The following MYO16 variants were observed in gnomAD, a reference collection of about 807,000 sequenced individuals.
MYO16 encodes myosin XVI.
Under a neutral mutation model 205.3 loss-of-function variants are expected in MYO16, and 94 were observed. The ratio of observed to expected loss-of-function variants is 0.46; its 90% CI spans 0.39 to 0.54. The LOEUF (loss-of-function observed/expected upper bound fraction) is 0.54. Among genes scored for constraint, MYO16 ranks in the 20% least tolerant of loss-of-function variants. The probability of loss-of-function intolerance (pLI) is 0.00; values close to 1 mark genes in which losing one functional copy is unlikely to be tolerated. For synonymous variants in MYO16, 988 were observed against 954.0 expected (o/e 1.04, Z -0.66); for missense variants, 2,315 against 2,387.5 (o/e 0.97, Z 0.63).
chr13:109,057,912 G>T (rs1037907140), intron 27 of MYO16, among the ~76,000 whole-genome samples: 1 of 152,138 alleles, frequency 6.6e-6, no homozygotes, highest in Non-Finnish European at 1.5e-5. Flanking sequence ...ATCCGCGGGG[G>T]CCTCAGAGGG....
At chr13:108,556,872 C>T in the MYO16 span, among the ~76,000 whole-genome samples, 3 of 152,154 alleles carry the variant, frequency 2.0e-5, no homozygotes, top group African/African-American at 7.2e-5. Context: ...GTTGTCCCAA[C>T]ACCACCTACT....
At chr13:109,145,581 A>G (rs1877292159) in intron 32 of MYO16, among the ~76,000 whole-genome samples, 1 of 152,224 alleles carries the variant, frequency 6.6e-6, no homozygotes. Flanking sequence ...TGTCTGTTCC[A>G]TTCTAGACAT....
chr13:108,805,225 T>A (rs1176122547), intron 6 of MYO16, among the ~76,000 whole-genome samples: 5 of 152,164 alleles, frequency 3.3e-5, no homozygotes, highest in Admixed American at 2.0e-4. Flanking sequence ...GGGGACTGTT[T>A]CCTAGAATAT....
intron 1 of MYO16, among the ~76,000 whole-genome samples, chr13:108,639,134 T>A (rs946951091): frequency 6.6e-6 from 1 of 152,160 alleles, no homozygotes; most frequent in South Asian, 2.1e-4. Context: ...AGCTTTGCAT[T>A]TTAGATCTGT....
the MYO16 span, among the ~76,000 whole-genome samples, chr13:108,503,974 T>C: frequency 6.6e-6 from 1 of 152,154 alleles, no homozygotes; most frequent in Non-Finnish European, 1.5e-5. Flanking sequence ...TTATTATTTT[T>C]TTTGCCTTTA....
intron 27 of MYO16, among the ~76,000 whole-genome samples, chr13:109,072,660 T>A (rs1239545378): frequency 6.6e-6 from 1 of 151,962 alleles, no homozygotes; most frequent in Non-Finnish European, 1.5e-5. Flanking sequence ...AATCAGTGCC[T>A]CTCAACCACG....
intron 17 of MYO16, 23 bp downstream of exon 17, chr13:108,957,822 C>T: frequency 6.5e-7 from 1 of 1,539,992 alleles, no homozygotes; most frequent in Non-Finnish European, 9.0e-7. Flanking sequence ...ATAAATATTT[C>T]ACTGAGAAAA....
chr13:108,719,220 T>G (rs1488616795), intron 3 of MYO16, among the ~76,000 whole-genome samples: 1 of 152,182 alleles, frequency 6.6e-6, no homozygotes, highest in Admixed American at 6.5e-5. Flanking sequence ...CTAAGGAAAC[T>G]TGCAGACATT....
intron 33 of MYO16, among the ~76,000 whole-genome samples, chr13:109,173,704 G>A (rs1411164445): frequency 3.3e-5 from 5 of 151,562 alleles, no homozygotes; most frequent in Non-Finnish European, 1.5e-5. Flanking sequence ...GACCATCCTG[G>A]CTAACACGGT....
At chr13:108,551,624 A>T in the MYO16 span, among the ~76,000 whole-genome samples, 1 of 152,062 alleles carries the variant, frequency 6.6e-6, no homozygotes, top group African/African-American at 2.4e-5. Flanking sequence ...TCCAAACATG[A>T]TCATATTTTT....
intron 24 of MYO16, among the ~76,000 whole-genome samples, chr13:109,049,852 CCTTT>C (rs1887181980): frequency 6.7e-6 from 1 of 150,102 alleles, no homozygotes; most frequent in Non-Finnish European, 1.5e-5. Flanking sequence ...TTTTTCATTA[CCTTT>C]CTTTTACCCT....
Position 109,153,425 on chromosome 13 carries a change from T to A in MYO16, c.5165-11476T>A, listed in dbSNP as rs188193876. On this transcript the variant is annotated intron_variant, in intron 32 of 34. Coordinates refer to ENST00000457511, the MANE Select transcript of MYO16 (RefSeq NM_001198950.3). ...TATAGATATAGAAAGGATAGATTTT[T>A]TTCTTGCTATTTCTATGTTCATTTA... is the stretch of plus-strand genomic sequence containing the variant. Among the ~76,000 whole-genome samples the A allele has an allele frequency of 2.8e-3, 431 of 152,188 alleles. 3 individuals are homozygous for A. The highest frequency in any genetic ancestry group is 0.01 in the African/African-American group (421 of 41,508).
rs145293414 is a variant in MYO16, at chr13:108,740,743, C to G, written c.507+13160C>G. Among the ~76,000 whole-genome samples, 598 of 152,294 alleles carry G rather than the reference C, an allele frequency of 3.9e-3. 3 individuals are homozygous for G. The highest frequency in any genetic ancestry group is 5.6e-3 in the Non-Finnish European group (383 of 68,014). On this transcript the variant is annotated intron_variant, in intron 4 of 34. Transcript: ENST00000457511. Reference sequence around the variant, plus strand: ...GTCCTGCCCCCAGAGGTGGAGTCTACAAAGGCAGGCAGGCCTCCTTGAGCT... The same window carrying G: ...GTCCTGCCCCCAGAGGTGGAGTCTAGAAAGGCAGGCAGGCCTCCTTGAGCT...
At chr13:109,083,437 G>T (rs1286492784) in intron 27 of MYO16, among the ~76,000 whole-genome samples, 1 of 122,754 alleles carries the variant, frequency 8.1e-6, no homozygotes, top group East Asian at 2.3e-4. Context: ...CAGTAGAGAC[G>T]ATCAAAAAGC....
At chr13:108,994,543 T>C (rs1258456577) in intron 21 of MYO16, among the ~76,000 whole-genome samples, 1 of 152,216 alleles carries the variant, frequency 6.6e-6, no homozygotes. Context: ...ATTTCTGTGT[T>C]GCTAACAGAA....
Position 108,745,596 on chromosome 13 carries a change from C to A in MYO16, c.507+18013C>A, listed in dbSNP as rs1278207406. 4.6e-5 allele frequency among the ~76,000 whole-genome samples: 7 copies of A among 152,144 alleles called. No individual in the cohort carries two copies. The East Asian group carries it at 1.4e-3, about 29-fold the overall frequency. On this transcript the variant is annotated intron_variant, in intron 4 of 34. Coordinates refer to ENST00000457511, the MANE Select transcript of MYO16 (RefSeq NM_001198950.3). ...TCAAAATAGACTCTCACTTCCTAGA[C>A]CTAATGACCTCAGTTACTAATACCT...
intron 24 of MYO16, among the ~76,000 whole-genome samples, chr13:109,048,151 ATATG>A (rs1478968122): frequency 9.5e-6 from 1 of 105,188 alleles, no homozygotes; most frequent in Non-Finnish European, 1.8e-5. Context: ...TGTTAATAGG[ATATG>A]TGTGTGTGTG....
At chr13:108,837,236 T>A (rs1240457402) in intron 9 of MYO16, among the ~76,000 whole-genome samples, 1 of 152,188 alleles carries the variant, frequency 6.6e-6, no homozygotes, top group Non-Finnish European at 1.5e-5. Context: ...GCACTTGTTC[T>A]TCCTCCTGCC....
At chr13:108,982,913 T>C (rs1019738141) in intron 20 of MYO16, among the ~76,000 whole-genome samples, 3 of 152,168 alleles carry the variant, frequency 2.0e-5, no homozygotes, top group African/African-American at 7.2e-5. Flanking sequence ...AATCCATACA[T>C]TATAGCACTC....
Sources: allele counts gnomAD v4.1 joint callset (sites outside exome capture counted in the v4.1 genomes callset), GRCh38; gene constraint gnomAD v4.1.1; transcripts MANE v1.5; gene names NCBI Gene and HGNC (gene_info 2026-07-23, HGNC 2026-07-21).